STXBP4: variants seen among roughly 807,000 people sequenced by gnomAD.
STXBP4 encodes syntaxin binding protein 4, also known as syntaxin-binding protein 4.
STXBP4 carries 55 observed loss-of-function variants against 76.1 expected under a neutral mutation model. The ratio of observed to expected loss-of-function variants is 0.72; its 90% CI spans 0.58 to 0.91. The LOEUF (loss-of-function observed/expected upper bound fraction) is 0.91, where lower values mean the gene tolerates loss of function less well. Ranked by LOEUF, STXBP4 falls within the 40% of genes least tolerant of loss-of-function variation. The probability of loss-of-function intolerance (pLI) is 0.00; values close to 1 mark genes in which losing one functional copy is unlikely to be tolerated. For synonymous variants in STXBP4, 201 were observed against 220.2 expected (o/e 0.91, Z 0.77); for missense variants, 618 against 636.9 (o/e 0.97, Z 0.32).
chr17:55,078,819 C>T, intron 15 of STXBP4, 84 bp downstream of exon 15: 1 of 807,400 alleles, frequency 1.2e-6, no homozygotes, highest in South Asian at 1.5e-5. Context: ...TACTAAAAAT[C>T]TCTTAAATAG....
chr17:55,058,663 G>A (rs1163998346), intron 12 of STXBP4, among the ~76,000 whole-genome samples: 2 of 152,014 alleles, frequency 1.3e-5, no homozygotes, highest in African/African-American at 2.4e-5. Context: ...TCAATTGATC[G>A]TTGATATTCT....
intron 3 of STXBP4, 112 bp from the exon 4 acceptor site, chr17:54,990,713 G>C: frequency 7.7e-7 from 1 of 1,302,880 alleles, no homozygotes; most frequent in South Asian, 1.6e-5. Flanking sequence ...TACCAAAAAA[G>C]GTGAGGGGTT....
intron 1 of STXBP4, among the ~76,000 whole-genome samples, chr17:54,970,802 C>T (rs1418730422): frequency 6.6e-6 from 1 of 152,134 alleles, no homozygotes; most frequent in African/African-American, 2.4e-5. Context: ...TCCAGTATTT[C>T]ATTTTTTGTA....
At chr17:55,018,402 G>C (rs1393619449) in intron 8 of STXBP4, among the ~76,000 whole-genome samples, 1 of 152,152 alleles carries the variant, frequency 6.6e-6, no homozygotes, top group South Asian at 2.1e-4. Flanking sequence ...CTCAGCTCCA[G>C]CCATAACAAA....
chr17:55,192,923 G>C, the STXBP4 span, among the ~76,000 whole-genome samples: 1 of 152,126 alleles, frequency 6.6e-6, no homozygotes, highest in Non-Finnish European at 1.5e-5. Flanking sequence ...AATTCACACA[G>C]CCAATAGTTA....
chr17:55,027,778 A>G (rs934327353), intron 8 of STXBP4, among the ~76,000 whole-genome samples: 1 of 152,194 alleles, frequency 6.6e-6, no homozygotes, highest in East Asian at 1.9e-4. Flanking sequence ...GAAGAAATCA[A>G]TAGTTCAGAA....
intron 16 of STXBP4, among the ~76,000 whole-genome samples, chr17:55,084,307 T>G (rs1250786054): frequency 2.0e-5 from 3 of 152,238 alleles, no homozygotes; most frequent in African/African-American, 7.2e-5. Context: ...TCATGTCCTT[T>G]GCCCACTTTT....
In STXBP4 at chr17:55,016,665, T is replaced by C. The variant is rs998372081; in HGVS notation, c.666+9068T>C. ...TCAATCACCTGGAAGGAACCTTCTA[T>C]TGTCCTGAAGGGAGTTCCTCCTAGG... On this transcript the variant is annotated intron_variant, in intron 8 of 17. Transcript: ENST00000376352. Among the ~76,000 whole-genome samples, 5 of 152,212 alleles carry C rather than the reference T, an allele frequency of 3.3e-5. No homozygotes were observed. The East Asian group carries it at 5.8e-4, about 18-fold the overall frequency.
chr17:55,026,919 G>A (rs1318257404), intron 8 of STXBP4, among the ~76,000 whole-genome samples: 2 of 152,128 alleles, frequency 1.3e-5, no homozygotes, highest in Non-Finnish European at 2.9e-5. Context: ...GACTGGAAAG[G>A]GTGTGGCCTG....
rs771284517 is a variant in STXBP4 at position 55,166,455 on chromosome 17, C to A, written c.*6544C>A. On this transcript the variant is annotated 3_prime_UTR_variant, in exon 18 of 18. Coordinates refer to ENST00000376352, the MANE Select transcript of STXBP4 (RefSeq NM_178509.6). ...TTGCTAGTCTTCAGTAGTTCCCTAG[C>A]ACCTTCTACTATCTGAGTCCCTGGC... The A allele has an allele frequency of 2.0e-5, 3 of 152,192 alleles. No individual in the cohort carries two copies. Among genetic ancestry groups the A allele is most frequent in the Non-Finnish European group, 4.4e-5 (3 of 68,050 alleles). The allele number at this position is 152,192 out of a possible 1,614,324, so 9.4% of individuals were successfully genotyped here. A position where few individuals can be genotyped will look rare whatever the true frequency, so the allele number is the denominator to read the frequency against.
intron 10 of STXBP4, among the ~76,000 whole-genome samples, chr17:55,035,568 C>T (rs1386802939): frequency 2.6e-5 from 4 of 151,638 alleles, no homozygotes; most frequent in Non-Finnish European, 5.9e-5. Flanking sequence ...TTTTATTTTC[C>T]TATGTTTATA....
chr17:55,178,560 T>G (rs972518457), downstream of STXBP4, among the ~76,000 whole-genome samples: 2 of 152,244 alleles, frequency 1.3e-5, no homozygotes, highest in African/African-American at 4.8e-5. Flanking sequence ...TTAGTCAGAA[T>G]TCTCCAGAGA....
intron 17 of STXBP4, among the ~76,000 whole-genome samples, chr17:55,148,126 G>A (rs73310448): frequency 2.0e-5 from 3 of 152,204 alleles, no homozygotes; most frequent in African/African-American, 7.2e-5. Flanking sequence ...GTTCTAATAC[G>A]CATGGTTTCT....
At chr17:55,084,906 A>G (rs1176421351) in intron 16 of STXBP4, among the ~76,000 whole-genome samples, 4 of 152,176 alleles carry the variant, frequency 2.6e-5, no homozygotes, top group Admixed American at 1.3e-4. Flanking sequence ...AGACACATGC[A>G]CATGTATGTT....
At chr17:55,188,485 T>A in the STXBP4 span, among the ~76,000 whole-genome samples, 1 of 152,206 alleles carries the variant, frequency 6.6e-6, no homozygotes, top group Non-Finnish European at 1.5e-5. Flanking sequence ...AGAACAGTGA[T>A]ACCTGGGAAC....
rs576783443 is a variant in STXBP4 at position 55,021,269 on chromosome 17, T to C, written c.667-9899T>C. Reference sequence around the variant, plus strand: ...GGGCATGGTGGCTTATGCCTGTAAATTCAGCACTTTGGGAGGCCAAGGCAA... The same window carrying C: ...GGGCATGGTGGCTTATGCCTGTAAACTCAGCACTTTGGGAGGCCAAGGCAA... On this transcript the variant is annotated intron_variant, in intron 8 of 17. Coordinates refer to ENST00000376352, the MANE Select transcript of STXBP4 (RefSeq NM_178509.6). Among the ~76,000 whole-genome samples, 5 of 151,954 alleles carry C rather than the reference T, an allele frequency of 3.3e-5. 1 individual carries two copies. The East Asian group carries it at 7.8e-4, about 24-fold the overall frequency.
chr17:54,980,995 G>A (rs188872282), intron 1 of STXBP4, among the ~76,000 whole-genome samples: 6 of 152,082 alleles, frequency 3.9e-5, no homozygotes, highest in African/African-American at 1.4e-4. Flanking sequence ...ATTAGTGTTA[G>A]TGTATTTCAT....
intron 12 of STXBP4, among the ~76,000 whole-genome samples, chr17:55,068,572 G>C (rs2079081513): frequency 6.6e-6 from 1 of 152,080 alleles, no homozygotes; most frequent in South Asian, 2.1e-4. Flanking sequence ...TCAAGAGCTG[G>C]TGTTACTAAT....
intron 8 of STXBP4, among the ~76,000 whole-genome samples, chr17:55,019,029 G>GA (rs1489377900): frequency 7.2e-5 from 11 of 152,196 alleles, no homozygotes; most frequent in East Asian, 5.8e-4. Flanking sequence ...AGTATATGCT[G>GA]AAAAAAATAA....
Sources: gnomAD v4.1 joint callset for allele counts (sites outside exome capture counted in the v4.1 genomes callset) on GRCh38, gnomAD v4.1.1 for gene constraint, MANE v1.5 for transcripts, NCBI Gene and HGNC (gene_info 2026-07-23, HGNC 2026-07-21) for gene names.